RAB38: variants seen among roughly 807,000 people sequenced by gnomAD.
RAB38 encodes the protein ras-related protein Rab-38.
RAB38 carries 15 observed loss-of-function variants against 18.4 expected under a neutral mutation model. The observed-to-expected ratio is 0.82, with a 90% CI of 0.55 to 1.26. The LOEUF (loss-of-function observed/expected upper bound fraction) is 1.26. Among genes scored for constraint, RAB38 ranks in the 50% most tolerant of loss-of-function variants. RAB38 has a pLI of 0.00. For missense variants in RAB38, 294 were observed against 267.4 expected, an observed-to-expected ratio of 1.10 and a Z score of -0.69; for synonymous variants, 101 against 104.4, an observed-to-expected ratio of 0.97 and a Z score of 0.20.
At chr11:88,143,173 CTAATTTAAACTT>C (rs1942937671) in intron 2 of RAB38, among the ~76,000 whole-genome samples, 1 of 152,194 alleles carries the variant, frequency 6.6e-6, no homozygotes, top group Non-Finnish European at 1.5e-5. Context: ...TAGTCACTCT[CTAATTTAAACTT>C]TAATTGCTTC....
chr11:88,020,157 G>T, the RAB38 span, among the ~76,000 whole-genome samples: 49 of 152,178 alleles, frequency 3.2e-4, no homozygotes, highest in East Asian at 8.9e-3. Context: ...AAAATGAAAA[G>T]ACATAGAGGA....
chr11:87,837,266 ATGTT>A, the RAB38 span, among the ~76,000 whole-genome samples: 2 of 152,148 alleles, frequency 1.3e-5, no homozygotes. Context: ...TAGCACATAT[ATGTT>A]GTTTAAAGTG....
chr11:87,945,562 G>A, the RAB38 span, among the ~76,000 whole-genome samples: 2 of 152,122 alleles, frequency 1.3e-5, no homozygotes, highest in Non-Finnish European at 2.9e-5. Context: ...GAGCAGTAAG[G>A]ATGTAGAAGA....
the RAB38 span, among the ~76,000 whole-genome samples, chr11:87,811,389 A>G: frequency 6.6e-6 from 1 of 152,218 alleles, no homozygotes; most frequent in African/African-American, 2.4e-5. Flanking sequence ...AGGCAGTGTC[A>G]TAATTGGGGA....
chr11:87,839,323 T>C, the RAB38 span, among the ~76,000 whole-genome samples: 1 of 152,232 alleles, frequency 6.6e-6, no homozygotes, highest in African/African-American at 2.4e-5. Flanking sequence ...CTTTGTTAAT[T>C]AAAGTAAATG....
chr11:87,943,160 A>G, the RAB38 span, among the ~76,000 whole-genome samples: 12 of 152,148 alleles, frequency 7.9e-5, no homozygotes, highest in African/African-American at 2.4e-4. Context: ...AGAATTCAGC[A>G]TTTTTCCTAT....
chr11:87,828,219 T>C, the RAB38 span, among the ~76,000 whole-genome samples: 201 of 152,370 alleles, frequency 1.3e-3, no homozygotes, highest in African/African-American at 4.6e-3. Context: ...GTTGATTTGA[T>C]ACCAAATCCT....
the RAB38 span, among the ~76,000 whole-genome samples, chr11:88,005,354 C>G: frequency 6.6e-6 from 1 of 150,822 alleles, no homozygotes; most frequent in South Asian, 2.1e-4. Flanking sequence ...AATAGCTTTT[C>G]AACAGAAGTG....
At chr11:88,127,988 T>C (rs895232746) in intron 2 of RAB38, among the ~76,000 whole-genome samples, 4 of 152,240 alleles carry the variant, frequency 2.6e-5, no homozygotes, top group Admixed American at 2.6e-4. Flanking sequence ...GTGCTTACAA[T>C]GTAATTTATG....
chr11:87,846,041 G>T, the RAB38 span, among the ~76,000 whole-genome samples: 1 of 152,030 alleles, frequency 6.6e-6, no homozygotes, highest in African/African-American at 2.4e-5. Flanking sequence ...ATTCTAAGTA[G>T]ACTGTGAAAA....
chr11:87,946,354 T>C, the RAB38 span, among the ~76,000 whole-genome samples: 1 of 152,138 alleles, frequency 6.6e-6, no homozygotes, highest in Admixed American at 6.6e-5. Flanking sequence ...GTCTTTGATT[T>C]GAAAACCATT....
intron 1 of RAB38, among the ~76,000 whole-genome samples, chr11:88,163,626 A>G (rs189750058): frequency 3.9e-5 from 6 of 152,298 alleles, no homozygotes; most frequent in African/African-American, 1.4e-4. Context: ...TGGACAAGAG[A>G]ATAAAATGGC....
chr11:87,839,886 G>T, the RAB38 span, among the ~76,000 whole-genome samples: 2 of 152,150 alleles, frequency 1.3e-5, no homozygotes, highest in East Asian at 3.9e-4. Flanking sequence ...CCAGTAAAGA[G>T]AAATCTTTGT....
At chr11:87,857,362 C>T in the RAB38 span, among the ~76,000 whole-genome samples, 1 of 152,138 alleles carries the variant, frequency 6.6e-6, no homozygotes, top group Admixed American at 6.5e-5. Context: ...GATTTATAAT[C>T]CTTTGGATAT....
the RAB38 span, among the ~76,000 whole-genome samples, chr11:87,977,663 CTATA>C: frequency 1.7e-5 from 2 of 114,340 alleles, no homozygotes; most frequent in Non-Finnish European, 3.3e-5. Flanking sequence ...CAGTATATAA[CTATA>C]TATTATGTAA....
intron 2 of RAB38, among the ~76,000 whole-genome samples, chr11:88,125,378 C>A (rs1942682597): frequency 6.6e-6 from 1 of 152,168 alleles, no homozygotes; most frequent in Non-Finnish European, 1.5e-5. Flanking sequence ...TGTAGATCCC[C>A]TGCCCCTCCA....
At chr11:87,821,929 C>T in the RAB38 span, among the ~76,000 whole-genome samples, 2 of 150,618 alleles carry the variant, frequency 1.3e-5, no homozygotes, top group Non-Finnish European at 2.9e-5. Context: ...ATTATATAAG[C>T]TGGAGAAATT....
chr11:88,033,812 C>T, the RAB38 span, among the ~76,000 whole-genome samples: 1 of 148,512 alleles, frequency 6.7e-6, no homozygotes, highest in African/African-American at 2.5e-5. Flanking sequence ...ACTGCAAGCT[C>T]CGCCTCCCGG....
At chr11:88,070,776 A>G in the RAB38 span, among the ~76,000 whole-genome samples, 1 of 152,242 alleles carries the variant, frequency 6.6e-6, no homozygotes, top group East Asian at 1.9e-4. Flanking sequence ...CAAGCAGTCC[A>G]CAAAATGTAA....
Sources: gnomAD v4.1 joint callset for allele counts (sites outside exome capture counted in the v4.1 genomes callset) on GRCh38, gnomAD v4.1.1 for gene constraint, MANE v1.5 for transcripts, NCBI Gene and HGNC (gene_info 2026-07-23, HGNC 2026-07-21) for gene names.